Variants in CIITA observed in about 807,000 individuals in gnomAD.
The protein encoded by CIITA is MHC class II transactivator.
Under a neutral mutation model 115.1 loss-of-function variants are expected in CIITA, and 72 were observed. That is an observed-to-expected ratio of 0.63 (90% CI 0.52 to 0.76). The LOEUF (loss-of-function observed/expected upper bound fraction) is 0.76. CIITA is among the 30% of genes least tolerant of loss of function. CIITA has a pLI of 0.00. For synonymous variants in CIITA, 763 were observed against 635.6 expected, an observed-to-expected ratio of 1.20 and a Z score of -3.02; for missense variants, 1,617 against 1,463.8, an observed-to-expected ratio of 1.10 and a Z score of -1.71.
chr16:10,885,270 A>G (rs971670711), intron 1 of CIITA, among the ~76,000 whole-genome samples: 2 of 152,140 alleles, frequency 1.3e-5, no homozygotes, highest in Non-Finnish European at 2.9e-5. Context: ...GAGCCAACCA[A>G]TAGCAATATC....
intron 1 of CIITA, among the ~76,000 whole-genome samples, chr16:10,871,098 G>A (rs1359121216): frequency 3.9e-5 from 6 of 152,200 alleles, no homozygotes; most frequent in Non-Finnish European, 7.3e-5. Flanking sequence ...ATTCCAAGAG[G>A]TATGACTTTG....
At position 10,898,929 on chromosome 16, in the gene CIITA, C is replaced by A; in HGVS notation, c.363C>A (p.His121Gln). ...CTCTGGTTTTTCTCAAAGTAGAGCA[C>A]ATAGGACCAGATGAAGTGATCGGTG... ...LEGLSKDIFK[H>Q]IGPDEVIGES... is the part of the protein sequence containing the mutation. Residue 121 changes from histidine (H) to glutamine (Q), a missense_variant, in exon 5 of 20, where the codon CAC becomes CAA. Transcript: ENST00000324288. 6.2e-7 allele frequency: 1 copy of A among 1,613,900 alleles called. No homozygotes were observed. The highest frequency in any genetic ancestry group is 8.5e-7 in the Non-Finnish European group (1 of 1,179,972).
chr16:10,876,714 G>C (rs535378577), upstream of CIITA, among the ~76,000 whole-genome samples: 1 of 152,314 alleles, frequency 6.6e-6, no homozygotes, highest in South Asian at 2.1e-4. Context: ...CAATGTCTTG[G>C]GATGAAAATG....
At chr16:10,868,209 G>A (rs914109152) in intron 1 of CIITA, among the ~76,000 whole-genome samples, 11 of 152,108 alleles carry the variant, frequency 7.2e-5, no homozygotes, top group African/African-American at 2.7e-4. Context: ...CCTTGACCTT[G>A]AGCCCTTTGA....
intron 5 of CIITA, among the ~76,000 whole-genome samples, chr16:10,899,388 G>C (rs1051315386): frequency 1.5e-5 from 2 of 130,978 alleles, no homozygotes; most frequent in African/African-American, 5.0e-5. Context: ...TGACTCCTTT[G>C]AATCTTTCTG....
chr16:10,915,740 A>C (rs180679362), intron 14 of CIITA, 90 bp downstream of exon 14: 1 of 1,150,966 alleles, frequency 8.7e-7, no homozygotes, highest in Non-Finnish European at 1.3e-6. Flanking sequence ...CCTGGCCTCA[A>C]GTAGTCCTCC....
At chr16:10,871,302 G>A (rs541792895) in intron 1 of CIITA, among the ~76,000 whole-genome samples, 92 of 152,312 alleles carry the variant, frequency 6.0e-4, no homozygotes, top group African/African-American at 2.2e-3. Flanking sequence ...CGTGCATGGT[G>A]GAAAGATGAC....
intron 16 of CIITA, among the ~76,000 whole-genome samples, chr16:10,919,779 T>C (rs552282249): frequency 2.0e-5 from 3 of 152,342 alleles, no homozygotes; most frequent in South Asian, 4.1e-4. Context: ...TGGTTCATAA[T>C]TGTGCTAAAA....
At chr16:10,915,083 C>T (rs1357724784) in intron 13 of CIITA, 4 of 454,572 alleles carry the variant, frequency 8.8e-6, no homozygotes, top group Non-Finnish European at 1.8e-5. Context: ...GACAGGGTCT[C>T]GCTCTTACCC....
At chr16:10,889,487 G>C (rs1405169937) in intron 1 of CIITA, among the ~76,000 whole-genome samples, 1 of 152,036 alleles carries the variant, frequency 6.6e-6, no homozygotes, top group Non-Finnish European at 1.5e-5. Flanking sequence ...TTGGCCTTCT[G>C]ATGATCCTGC....
At chr16:10,873,960 T>C (rs1747893015), upstream of CIITA, among the ~76,000 whole-genome samples, 1 of 152,000 alleles carries the variant, frequency 6.6e-6, no homozygotes, top group African/African-American at 2.4e-5. Flanking sequence ...GTTGCTGTTG[T>C]TGTGTTTTGT....
Position 10,877,414 on chromosome 16 carries a change from C to T in CIITA, c.52+32C>T, listed in dbSNP as rs774748446. ...AGGCCGGGAAAGCATCTTAATTTAG[C>T]GTGCAGTCTCAGCTGGTCCTGCCAT... On this transcript the variant is annotated intron_variant, in intron 1 of 19. Transcript: ENST00000324288. 6.9e-6 allele frequency: 11 copies of T among 1,601,120 alleles called. No homozygotes were observed. The East Asian group carries it at 9.0e-5, about 13-fold the overall frequency.
chr16:10,893,804 T>TAATAAAAAAAA (rs2037835598), intron 1 of CIITA, among the ~76,000 whole-genome samples: 1 of 32,178 alleles, frequency 3.1e-5, no homozygotes, highest in Non-Finnish European at 5.5e-5. Flanking sequence ...GACTCCGTCT[T>TAATAAAAAAAA]AAAAAAAAAA....
Position 10,926,045 on chromosome 16 carries a change from A to T in CIITA, c.*2190A>T, listed in dbSNP as rs1243510862. On this transcript the variant is annotated 3_prime_UTR_variant, in exon 20 of 20. Coordinates refer to ENST00000324288, the MANE Select transcript of CIITA (RefSeq NM_000246.4). ...GGGCATAGTCTGCTCAGAAGCCCCA[A>T]TTCAAGACATCTTAGCTTACTCCTG... 6.6e-6 allele frequency: 1 copy of T among 152,220 alleles called. No individual in the cohort carries two copies. The highest frequency in any genetic ancestry group is 1.5e-5 in the Non-Finnish European group (1 of 68,056). The allele number at this position is 152,220 out of a possible 1,614,324, so 9.4% of individuals were successfully genotyped here. A position where few individuals can be genotyped will look rare whatever the true frequency, so the allele number is the denominator to read the frequency against.
intron 1 of CIITA, among the ~76,000 whole-genome samples, chr16:10,872,137 G>C (rs148454593): frequency 2.8e-4 from 42 of 151,346 alleles, no homozygotes; most frequent in African/African-American, 7.5e-4. Flanking sequence ...TTTTTTGGGT[G>C]GGGGGGACAC....
Position 10,910,221 on chromosome 16 carries a change from G to T in CIITA, c.2850G>T (p.Glu950Asp). The change falls in exon 13 of 20, where the codon GAG becomes GAT. Residue 950 changes from glutamate to aspartate, a missense_variant. By Grantham distance (45) the Glu-to-Asp change is conservative. Transcript: ENST00000324288. ...TRSSSEDTAG[E>D]LPAVRDLKKL... ...GTTCCTCGGAAGACACAGCTGGGGA[G>T]CTCCCTGCTGTTCGGGACCTAAAGA... 6.2e-7 allele frequency: 1 copy of T among 1,614,062 alleles called. No homozygotes were observed. Among genetic ancestry groups the T allele is most frequent in the Non-Finnish European group, 8.5e-7 (1 of 1,179,960 alleles).
chr16:10,902,676 C>A lies in CIITA; in HGVS notation c.647C>A (p.Ser216Ter). 3.7e-6 allele frequency: 6 copies of A among 1,614,244 alleles called. No homozygotes were observed. The highest frequency in any genetic ancestry group is 5.1e-6 in the Non-Finnish European group (6 of 1,180,046). Residue 216 changes from serine to a stop codon, truncating the protein, a stop_gained, in exon 8 of 20, where the codon TCG becomes TAG. Coordinates refer to ENST00000324288, the MANE Select transcript of CIITA (RefSeq NM_000246.4). LOFTEE classifies it high-confidence loss of function. Reference protein sequence around the residue: ...DQIPMPFSSSSLSCLNLPEGP... With the variant: ...DQIPMPFSSS Reference sequence around the variant, plus strand: ...CTTGCAGTGCCTTTCTCCAGTTCCTCGTTGAGCTGCCTGAATCTCCCTGAG... The same window carrying A: ...CTTGCAGTGCCTTTCTCCAGTTCCTAGTTGAGCTGCCTGAATCTCCCTGAG...
intron 1 of CIITA, among the ~76,000 whole-genome samples, chr16:10,883,140 G>A (rs1218437189): frequency 2.6e-5 from 4 of 152,152 alleles, no homozygotes; most frequent in Admixed American, 6.5e-5. Context: ...GTTAAGTAGA[G>A]CCGGATGGGT....
upstream of CIITA, among the ~76,000 whole-genome samples, chr16:10,872,315 G>A (rs139874964): frequency 6.6e-6 from 1 of 152,004 alleles, no homozygotes; most frequent in East Asian, 1.9e-4. Context: ...TAGAGACAGG[G>A]TTTCATCATG....
Sources: gnomAD v4.1 joint callset for allele counts (sites outside exome capture counted in the v4.1 genomes callset) on GRCh38, gnomAD v4.1.1 for gene constraint, MANE v1.5 for transcripts, NCBI Gene and HGNC (gene_info 2026-07-23, HGNC 2026-07-21) for gene names.